The following ADSL variants were observed in gnomAD, a reference collection of about 807,000 sequenced individuals.
The protein encoded by ADSL is adenylosuccinase.
In ADSL, 44 loss-of-function variants were observed where a neutral mutation model predicts 62.1. The ratio of observed to expected loss-of-function variants is 0.71; its 90% confidence interval spans 0.56 to 0.91. The LOEUF is 0.91. Among genes scored for constraint, ADSL ranks in the 40% least tolerant of loss-of-function variants. The pLI, the probability that ADSL is intolerant of heterozygous loss-of-function variation, is 0.00. For missense variants in ADSL, 531 were observed against 627.4 expected, an observed-to-expected ratio of 0.85 and a Z score of 1.64; for synonymous variants, 198 against 220.5, an observed-to-expected ratio of 0.90 and a Z score of 0.90.
At chr22:40,372,329 T>A (rs1229954347), downstream of ADSL, among the ~76,000 whole-genome samples, 1 of 151,672 alleles carries the variant, frequency 6.6e-6, no homozygotes, top group Non-Finnish European at 1.5e-5. Context: ...GGTTTCACCG[T>A]GTTAGCCAGA....
At chr22:40,358,463 G>A (rs755284833) in intron 4 of ADSL, among the ~76,000 whole-genome samples, 8 of 152,044 alleles carry the variant, frequency 5.3e-5, no homozygotes, top group Admixed American at 1.3e-4. Flanking sequence ...GCATGCCTGT[G>A]GTCCCAGCTA....
At chr22:40,374,989 T>A (rs1272226482) in intron 2 of ADSL, among the ~76,000 whole-genome samples, 1 of 152,234 alleles carries the variant, frequency 6.6e-6, no homozygotes, top group Non-Finnish European at 1.5e-5. Context: ...CACCATTGTT[T>A]GAATGCTACA....
At chr22:40,379,427 C>A (rs866601706) in intron 2 of ADSL, 1 of 152,288 alleles carries the variant, frequency 6.6e-6, no homozygotes, top group African/African-American at 2.4e-5. Flanking sequence ...CATTTCAAGA[C>A]TAGAAGTCTG....
chr22:40,353,887 A>G, intron 3 of ADSL: 2 of 342,784 alleles, frequency 5.8e-6, no homozygotes, highest in Non-Finnish European at 1.1e-5. Flanking sequence ...TGGCCTCACA[A>G]AGTGCTGGGA....
intron 2 of ADSL, among the ~76,000 whole-genome samples, chr22:40,385,874 C>T (rs1309671518): frequency 1.3e-5 from 2 of 151,934 alleles, no homozygotes; most frequent in Non-Finnish European, 2.9e-5. Flanking sequence ...TCTTGAAGAC[C>T]GGGTCTCACT....
At chr22:40,375,574 C>CT (rs2046406384) in intron 2 of ADSL, among the ~76,000 whole-genome samples, 1 of 147,592 alleles carries the variant, frequency 6.8e-6, no homozygotes, top group Admixed American at 6.7e-5. Flanking sequence ...GAGTGAAACT[C>CT]TGTCTCAAAA....
chr22:40,376,121 C>T (rs1171227172), intron 2 of ADSL: 5 of 134,116 alleles, frequency 3.7e-5, no homozygotes, highest in Admixed American at 7.6e-5. Context: ...GTTTGAGTTT[C>T]GTTTGTAAAT....
intron 11 of ADSL, chr22:40,364,677 G>A: frequency 1.5e-6 from 1 of 646,406 alleles, no homozygotes; most frequent in South Asian, 1.8e-5. Flanking sequence ...AGAGCAAGGT[G>A]GGCATCCATT....
At chr22:40,351,076 C>G (rs1386534386) in intron 2 of ADSL, among the ~76,000 whole-genome samples, 1 of 152,134 alleles carries the variant, frequency 6.6e-6, no homozygotes, top group Non-Finnish European at 1.5e-5. Flanking sequence ...CTCACTGCAG[C>G]CTTGACCTTC....
intron 4 of ADSL, 23 bp downstream of exon 4, chr22:40,354,350 G>A (rs2044468665): frequency 6.3e-7 from 1 of 1,584,372 alleles, no homozygotes; most frequent in African/African-American, 1.3e-5. Context: ...ATTACTTCTT[G>A]TTTATGTGCA....
intron 2 of ADSL, among the ~76,000 whole-genome samples, chr22:40,382,132 A>G (rs1040220742): frequency 7.2e-5 from 11 of 152,130 alleles, no homozygotes; most frequent in African/African-American, 2.7e-4. Context: ...GGTGCCTGCC[A>G]TGTGAGGTCA....
In ADSL at chr22:40,367,280, G is replaced by C. The variant is rs1441055110; in HGVS notation, c.*758G>C. On this transcript the variant is annotated 3_prime_UTR_variant, in exon 13 of 13. Coordinates refer to ENST00000623063, the MANE Select transcript of ADSL (RefSeq NM_000026.4). ...GCCTCCCAAGTAGCTGGGATTACAG[G>C]CGCCTGCCGCCATGCCTGGCTAATT... is the stretch of plus-strand genomic sequence containing the variant. 6.6e-6 allele frequency: 1 copy of C among 152,286 alleles called. No individual in the cohort carries two copies. The highest frequency in any genetic ancestry group is 2.4e-5 in the African/African-American group (1 of 41,440). 9.4% of individuals were successfully genotyped at this position (152,286 alleles called of 1,614,324 possible).
At chr22:40,386,036 T>G (rs79621452) in intron 2 of ADSL, among the ~76,000 whole-genome samples, 3,479 of 149,720 alleles carry the variant, frequency 0.023, 130 homozygotes, top group African/African-American at 0.082. Flanking sequence ...TTTTTTTTTT[T>G]GTTTTTTTTG....
At chr22:40,348,673 T>C (rs902012959) in intron 1 of ADSL, 4 of 398,562 alleles carry the variant, frequency 1.0e-5, no homozygotes, top group Non-Finnish European at 1.8e-5. Context: ...GGCCTGACTT[T>C]TTACTTATAA....
chr22:40,346,519 T>C lies in ADSL; in HGVS notation c.-40T>C, dbSNP rs753745335. On this transcript the variant is annotated 5_prime_UTR_variant, in exon 1 of 13. Coordinates refer to ENST00000623063, the MANE Select transcript of ADSL (RefSeq NM_000026.4). ...GCCTCCAGGTTTCCGCTTCCGCTCTTCCCTGGTCCAGTCCACCCTGGCGGG... is the reference window on the plus strand; with the variant it reads ...GCCTCCAGGTTTCCGCTTCCGCTCTCCCCTGGTCCAGTCCACCCTGGCGGG... The C allele has an allele frequency of 7.6e-6, 12 of 1,582,296 alleles. No individual in the cohort carries two copies. The South Asian group carries it at 1.1e-4, about 15-fold the overall frequency.
chr22:40,384,944 C>T (rs1040871873), intron 2 of ADSL, among the ~76,000 whole-genome samples: 3 of 152,124 alleles, frequency 2.0e-5, no homozygotes, highest in Non-Finnish European at 4.4e-5. Context: ...ATGGACTCCC[C>T]ATTTGGAATC....
chr22:40,361,221 T>G, intron 7 of ADSL, 52 bp from the exon 8 acceptor site: 1 of 1,554,078 alleles, frequency 6.4e-7, no homozygotes, highest in South Asian at 1.1e-5. Context: ...GCTCCCAGAC[T>G]CTACTGCACA....
chr22:40,360,314 G>A, intron 6 of ADSL, 88 bp from the exon 7 acceptor site: 1 of 1,100,704 alleles, frequency 9.1e-7, no homozygotes, highest in Admixed American at 1.7e-5. Context: ...TCCTCCGTTA[G>A]CCTCCTAAGT....
chr22:40,362,889 G>A, intron 9 of ADSL, 92 bp from the exon 10 acceptor site: 1 of 1,151,584 alleles, frequency 8.7e-7, no homozygotes, highest in East Asian at 2.3e-5. Context: ...TATCCAGAGA[G>A]TACAGTCAGT....
Sources: allele counts gnomAD v4.1 joint callset (sites outside exome capture counted in the v4.1 genomes callset), GRCh38; gene constraint gnomAD v4.1.1; transcripts MANE v1.5; gene names NCBI Gene and HGNC (gene_info 2026-07-23, HGNC 2026-07-21).